The following SCNN1A variants were observed in gnomAD, a reference collection of about 807,000 sequenced individuals.
SCNN1A encodes the protein sodium channel epithelial 1 subunit alpha.
SCNN1A carries 65 observed loss-of-function variants against 68.6 expected under a neutral mutation model. That is an observed-to-expected ratio of 0.95 (90% CI 0.78 to 1.16). The LOEUF (loss-of-function observed/expected upper bound fraction) is 1.16. SCNN1A is among the 50% of genes most tolerant of loss of function. The probability of loss-of-function intolerance (pLI) is 0.00; values close to 1 mark genes in which losing one functional copy is unlikely to be tolerated. For synonymous variants in SCNN1A, 357 were observed against 353.3 expected (o/e 1.01, Z -0.12); for missense variants, 880 against 865.9 (o/e 1.02, Z -0.20).
intron 2 of SCNN1A, among the ~76,000 whole-genome samples, chr12:6,364,646 C>G (rs893270954): frequency 6.6e-6 from 1 of 151,778 alleles, no homozygotes; most frequent in Middle Eastern, 3.2e-3. Flanking sequence ...CCTGTAGTCC[C>G]AGCTACTCGG....
chr12:6,371,395 C>T (rs1051633364), intron 2 of SCNN1A, among the ~76,000 whole-genome samples: 3 of 151,982 alleles, frequency 2.0e-5, no homozygotes, highest in Admixed American at 6.6e-5. Context: ...CAGCTGCCCC[C>T]GACCCTGGGA....
At position 6,374,850 on chromosome 12, in the gene SCNN1A, C is replaced by A. The variant is rs573341191; in HGVS notation, c.-54-13G>T. 4.3e-6 allele frequency: 7 copies of A among 1,613,920 alleles called. No individual in the cohort carries two copies. The African/African-American group carries it at 9.3e-5, about 22-fold the overall frequency. ...CCAGCTTGTTCCCCTTCATGAGCCC[C>A]GGAGTGGATTGGGGAGAGCAAGGGT... is the stretch of plus-strand genomic sequence containing the variant. On this transcript the variant is annotated splice_polypyrimidine_tract_variant and intron_variant, in intron 1 of 12. Coordinates refer to ENST00000228916, the MANE Select transcript of SCNN1A (RefSeq NM_001038.6). The surrounding 1 kb of genome is among the most constrained non-coding windows in gnomAD (Gnocchi z 6.2).
intron 4 of SCNN1A, chr12:6,356,416 TAATA>T (rs1405984608): frequency 1.1e-5 from 2 of 183,200 alleles, no homozygotes; most frequent in African/African-American, 2.4e-5. Flanking sequence ...AGGAGATGAT[TAATA>T]AATAGTTGTT....
At chr12:6,350,684 A>T (rs1257752592) in intron 8 of SCNN1A, among the ~76,000 whole-genome samples, 2 of 151,898 alleles carry the variant, frequency 1.3e-5, no homozygotes, top group Non-Finnish European at 2.9e-5. Context: ...TGAAAATACA[A>T]AAATTAGTCG....
At chr12:6,367,461 T>TA (rs1948699591) in intron 2 of SCNN1A, among the ~76,000 whole-genome samples, 1 of 152,188 alleles carries the variant, frequency 6.6e-6, no homozygotes, top group African/African-American at 2.4e-5. Flanking sequence ...AAGGAACTGA[T>TA]ACGTGCAAAA....
At chr12:6,363,335 G>GT (rs1275902003) in intron 3 of SCNN1A, 108 bp downstream of exon 3, 5 of 913,474 alleles carry the variant, frequency 5.5e-6, no homozygotes, top group Admixed American at 8.0e-5. Flanking sequence ...GCCCCGCGTG[G>GT]TGTCACTGGG....
chr12:6,349,455 T>A, intron 8 of SCNN1A, 50 bp from the exon 9 acceptor site: 1 of 1,358,830 alleles, frequency 7.4e-7, no homozygotes, highest in Non-Finnish European at 1.0e-6. Context: ...CAGCTTTCTC[T>A]ACCCCACACC....
intron 4 of SCNN1A, among the ~76,000 whole-genome samples, chr12:6,359,366 A>G (rs1821263498): frequency 6.6e-6 from 1 of 152,176 alleles, no homozygotes; most frequent in African/African-American, 2.4e-5. Context: ...TTGATGCTGG[A>G]GGCCGTGAGA....
intron 4 of SCNN1A, among the ~76,000 whole-genome samples, chr12:6,356,964 A>C (rs993659403): frequency 1.3e-5 from 2 of 152,176 alleles, no homozygotes; most frequent in African/African-American, 4.8e-5. Context: ...AAAATGTAGG[A>C]TGATTCTGTA....
chr12:6,347,240 C>A lies in SCNN1A; in HGVS notation c.*633G>T, dbSNP rs62618735. 0.018 allele frequency: 2,777 copies of A among 154,644 alleles called. 30 individuals carry two copies. The highest frequency in any genetic ancestry group is 0.029 in the Non-Finnish European group (2,015 of 69,524). 9.6% of individuals were successfully genotyped at this position (154,644 alleles called of 1,614,324 possible). On this transcript the variant is annotated 3_prime_UTR_variant, in exon 13 of 13. Coordinates refer to ENST00000228916, the MANE Select transcript of SCNN1A (RefSeq NM_001038.6). ...GTATGAAAGACACAGGGCAGAGGTG[C>A]CGGGGCATGGCTCTGTGAGGGCACG...
At chr12:6,348,682 G>T in intron 12 of SCNN1A, 45 bp downstream of exon 12, 1 of 1,531,706 alleles carries the variant, frequency 6.5e-7, no homozygotes, top group South Asian at 1.1e-5. Flanking sequence ...GCCCTGCTAA[G>T]TAAGACCCCC....
chr12:6,349,166 G>A lies in SCNN1A; in HGVS notation c.1495C>T (p.Gln499Ter). The A allele has an allele frequency of 6.2e-7, 1 of 1,613,898 alleles. No individual in the cohort carries two copies. The highest frequency in any genetic ancestry group is 8.5e-7 in the Non-Finnish European group (1 of 1,179,886). Residue 499 changes from glutamine (Q) to a stop codon, truncating the protein, a stop_gained and splice_region_variant, in exon 10 of 13, where the codon CAG (glutamine) becomes TAG (stop). Coordinates refer to ENST00000228916, the MANE Select transcript of SCNN1A (RefSeq NM_001038.6). LOFTEE classifies it high-confidence loss of function. ...CCCATCCCTTCCCCACACTCTACCT[G>A]GGATGTCACCGAGGGCCATCGTGAG... ...GYSRWPSVTS[Q>*]EWVFQMLSRQ...
Position 6,363,432 on chromosome 12 carries a change from GC to G in SCNN1A, c.684+10del, listed in dbSNP as rs1948616735. ...GGGGCGGGGCGGGCCCCTCGGCGCT[GC>G]GGGCCTCACCAGCTGGAAGCCGATC... On this transcript the variant is annotated intron_variant, in intron 3 of 12. Transcript: ENST00000228916. 1.3e-6 allele frequency: 2 copies of G among 1,544,758 alleles called. No individual in the cohort carries two copies. The highest frequency in any genetic ancestry group is 4.0e-5 in the Admixed American group (2 of 50,394).
In SCNN1A at chr12:6,363,805, C is replaced by T. The variant is rs72645117; in HGVS notation, c.417-95G>A. ...GGTCCTCATCTGTGCCCCGGGAGGC[C>T]GGTCCATCCCGGAGAAGCCTGGGCG... On this transcript the variant is annotated intron_variant, in intron 2 of 12. Transcript: ENST00000228916. The T allele has an allele frequency of 8.2e-3, 9,946 of 1,219,444 alleles. 367 individuals are homozygous for T. In the African/African-American group the frequency reaches 0.11, roughly 13 times the overall value. The allele number at this position is 1,219,444 out of a possible 1,614,324, so 75.5% of individuals were successfully genotyped here.
upstream of SCNN1A, among the ~76,000 whole-genome samples, chr12:6,376,495 T>C (rs3759324): frequency 0.38 from 58,327 of 152,030 alleles, 13,683 homozygotes; most frequent in African/African-American, 0.64. Context: ...GCACTGAAGG[T>C]GCAGGGAGGA....
At chr12:6,366,057 T>C (rs1406184838) in intron 2 of SCNN1A, among the ~76,000 whole-genome samples, 1 of 152,078 alleles carries the variant, frequency 6.6e-6, no homozygotes, top group East Asian at 1.9e-4. Context: ...GGTTTCACCA[T>C]GTTAGCCAGG....
intron 8 of SCNN1A, among the ~76,000 whole-genome samples, chr12:6,352,715 T>C (rs560953972): frequency 1.3e-5 from 2 of 152,320 alleles, no homozygotes; most frequent in African/African-American, 4.8e-5. Flanking sequence ...TCTGATGTGC[T>C]ACAATCCTCT....
intron 2 of SCNN1A, among the ~76,000 whole-genome samples, chr12:6,373,061 C>T (rs1051728087): frequency 1.3e-5 from 2 of 152,084 alleles, no homozygotes; most frequent in Admixed American, 6.6e-5. Flanking sequence ...TCTGTGCACA[C>T]GGCAGCTTCC....
intron 2 of SCNN1A, among the ~76,000 whole-genome samples, chr12:6,371,268 AT>A (rs1948784718): frequency 6.6e-6 from 1 of 151,804 alleles, no homozygotes; most frequent in Non-Finnish European, 1.5e-5. Flanking sequence ...ACAGGGGCTC[AT>A]TAACCTGTTT....
Sources: gnomAD v4.1 joint callset for allele counts (sites outside exome capture counted in the v4.1 genomes callset) on GRCh38, gnomAD v4.1.1 for gene constraint, Gnocchi (gnomAD v3.1) non-coding constraint, MANE v1.5 for transcripts, NCBI Gene and HGNC (gene_info 2026-07-23, HGNC 2026-07-21) for gene names.